The following C19orf12 variants were observed in gnomAD, a reference collection of about 807,000 sequenced individuals.
C19orf12 encodes chromosome 19 open reading frame 12.
C19orf12 carries 2 observed loss-of-function variants against 3.8 expected under a neutral mutation model. The observed-to-expected ratio is 0.53, with a 90% CI of 0.22 to 1.66. The LOEUF (loss-of-function observed/expected upper bound fraction) is 1.66. C19orf12 is among the 40% of genes most tolerant of loss of function. C19orf12 has a pLI of 0.20. For missense variants in C19orf12, 156 were observed against 188.8 expected, an observed-to-expected ratio of 0.83 and a Z score of 1.02; for synonymous variants, 89 against 84.6, an observed-to-expected ratio of 1.05 and a Z score of -0.28.
chr19:29,713,563 G>T (rs1324151263), intron 1 of C19orf12, among the ~76,000 whole-genome samples: 3 of 152,074 alleles, frequency 2.0e-5, no homozygotes, highest in Non-Finnish European at 4.4e-5. Context: ...ATTAGATCTG[G>T]CTCTTGTCAA....
intron 1 of C19orf12, among the ~76,000 whole-genome samples, chr19:29,713,237 G>T (rs953603681): frequency 1.3e-5 from 2 of 149,906 alleles, no homozygotes; most frequent in African/African-American, 2.4e-5. Flanking sequence ...CAGACCTTAG[G>T]GGGTGGGAGT....
intron 1 of C19orf12, among the ~76,000 whole-genome samples, chr19:29,711,894 C>A (rs1004560893): frequency 3.3e-5 from 5 of 152,154 alleles, no homozygotes; most frequent in African/African-American, 9.7e-5. Flanking sequence ...GCCAGGCCAG[C>A]ATCAATGTGA....
intron 1 of C19orf12, among the ~76,000 whole-genome samples, chr19:29,711,159 C>A (rs145673002): frequency 6.7e-5 from 10 of 150,184 alleles, no homozygotes; most frequent in Middle Eastern, 6.8e-3. Flanking sequence ...CCTGCCTCAA[C>A]CTCCCGAATA....
chr19:29,706,653 C>G (rs1288745638), intron 2 of C19orf12, among the ~76,000 whole-genome samples: 1 of 152,174 alleles, frequency 6.6e-6, no homozygotes, highest in Middle Eastern at 3.2e-3. Flanking sequence ...CCGGTTCCTT[C>G]CCGGATGGCA....
chr19:29,714,973 C>T lies in C19orf12; in HGVS notation c.-11+152G>A, dbSNP rs1304491724. 5.6e-6 allele frequency: 4 copies of T among 715,402 alleles called. No individual in the cohort carries two copies. In the Admixed American group the frequency reaches 6.0e-5, roughly 11 times the overall value. 44.3% of individuals were successfully genotyped at this position (715,402 alleles called of 1,614,324 possible). A position where few individuals can be genotyped will look rare whatever the true frequency, so the allele number is the denominator to read the frequency against. ...GGACAATGACTACACTAACAGTGTC[C>T]ACCCCGGCACCGGGAGGGCCGGGCT... On this transcript the variant is annotated intron_variant, in intron 1 of 2. Coordinates refer to ENST00000323670, the MANE Select transcript of C19orf12 (RefSeq NM_031448.6).
rs1333195365 is a variant in C19orf12, at chr19:29,705,362, G to T, written c.161-2385C>A. The T allele has an allele frequency of 7.3e-6, 3 of 413,464 alleles. No individual in the cohort carries two copies. The East Asian group carries it at 2.4e-4, about 33-fold the overall frequency. 25.6% of individuals were successfully genotyped at this position (413,464 alleles called of 1,614,324 possible). Reference sequence around the variant, plus strand: ...GCCAGAGGAGACTAAGAAAGCAGGCGATTCAATGCAATGCGGTGTCTTAGA... The same window carrying T: ...GCCAGAGGAGACTAAGAAAGCAGGCTATTCAATGCAATGCGGTGTCTTAGA... On this transcript the variant is annotated intron_variant, in intron 2 of 2. Coordinates refer to ENST00000323670, the MANE Select transcript of C19orf12 (RefSeq NM_031448.6).
chr19:29,698,918 A>C (rs1297629561), downstream of C19orf12: 6 of 407,190 alleles, frequency 1.5e-5, no homozygotes, highest in East Asian at 2.9e-4. Flanking sequence ...ACTTTGAGGA[A>C]TGAATCCCAA....
At chr19:29,709,077 A>G (rs376636214) in intron 1 of C19orf12, among the ~76,000 whole-genome samples, 2 of 152,290 alleles carry the variant, frequency 1.3e-5, no homozygotes, top group South Asian at 2.1e-4. Flanking sequence ...TAACACACAC[A>G]CTGGGCTGCC....
Position 29,706,342 on chromosome 19 carries a change from G to A in C19orf12, c.160+1912C>T, listed in dbSNP as rs114987442. Among the ~76,000 whole-genome samples, 701 of 152,250 alleles carry A rather than the reference G, an allele frequency of 4.6e-3. 4 individuals carry two copies. Among genetic ancestry groups the A allele is most frequent in the African/African-American group, 0.015 (642 of 41,556 alleles). On this transcript the variant is annotated intron_variant, in intron 2 of 2. Transcript: ENST00000323670. ...AATGCAAAAAGTCGCCAGGAATATCGACCAGCAAATTACTGGCTCTTTGGA... is the reference window on the plus strand; with the variant it reads ...AATGCAAAAAGTCGCCAGGAATATCAACCAGCAAATTACTGGCTCTTTGGA...
At chr19:29,705,954 G>C (rs1323538065) in intron 2 of C19orf12, among the ~76,000 whole-genome samples, 2 of 152,198 alleles carry the variant, frequency 1.3e-5, no homozygotes, top group African/African-American at 4.8e-5. Context: ...GAAATGAAAA[G>C]TTTCTTTCAA....
chr19:29,705,514 T>TC, intron 2 of C19orf12: 2 of 262,634 alleles, frequency 7.6e-6, no homozygotes, highest in South Asian at 7.7e-5. Flanking sequence ...TCTTAGGTTT[T>TC]TTTTTTTTTT....
chr19:29,700,523 C>T lies in C19orf12; in HGVS notation c.*2189G>A, dbSNP rs1365589487. On this transcript the variant is annotated 3_prime_UTR_variant, in exon 3 of 3. Transcript: ENST00000323670. ...AGGGTCCGTATGCAGGACTTATTTG[C>T]AGGAAGAGCAGGAATGATCAGTTCA... 3 of 454,094 alleles carry T rather than the reference C, an allele frequency of 6.6e-6. No homozygotes were observed. The highest frequency in any genetic ancestry group is 1.3e-5 in the Non-Finnish European group (3 of 226,784). The allele number at this position is 454,094 out of a possible 1,614,324, so 28.1% of individuals were successfully genotyped here.
At chr19:29,707,306 G>A (rs753179891) in intron 2 of C19orf12, among the ~76,000 whole-genome samples, 3 of 152,144 alleles carry the variant, frequency 2.0e-5, no homozygotes, top group South Asian at 4.1e-4. Flanking sequence ...GCGGTGAGCC[G>A]AGATCATGCC....
Position 29,702,291 on chromosome 19 carries a change from C to G in C19orf12, c.*421G>C. On this transcript the variant is annotated 3_prime_UTR_variant, in exon 3 of 3. Coordinates refer to ENST00000323670, the MANE Select transcript of C19orf12 (RefSeq NM_031448.6). ...GACCTGCAGGGGGGTGGGATCCAGT[C>G]CTGCAGCAGGTGCTCTGAAGAGGAG... The G allele has an allele frequency of 2.2e-6, 1 of 459,770 alleles. No individual in the cohort carries two copies. The highest frequency in any genetic ancestry group is 1.5e-5 in the South Asian group (1 of 64,520). The allele number at this position is 459,770 out of a possible 1,614,324, so 28.5% of individuals were successfully genotyped here.
intron 2 of C19orf12, among the ~76,000 whole-genome samples, chr19:29,703,636 C>T (rs925065587): frequency 2.6e-5 from 4 of 151,966 alleles, no homozygotes; most frequent in African/African-American, 4.8e-5. Flanking sequence ...ACCTCGGCCC[C>T]GCAAAGTGCT....
intron 1 of C19orf12, among the ~76,000 whole-genome samples, chr19:29,714,630 G>C (rs1972860534): frequency 6.6e-6 from 1 of 151,926 alleles, no homozygotes; most frequent in African/African-American, 2.4e-5. Flanking sequence ...CTGCCCCACA[G>C]GTGTCCTGTC....
intron 2 of C19orf12, among the ~76,000 whole-genome samples, chr19:29,703,622 G>A (rs916267036): frequency 9.2e-5 from 14 of 151,742 alleles, no homozygotes; most frequent in African/African-American, 2.7e-4. Context: ...CAGGTGATCC[G>A]CCTACCTCGG....
In C19orf12 at chr19:29,701,243, T is replaced by C. The variant is rs1421572284; in HGVS notation, c.*1469A>G. 2 of 454,130 alleles carry C rather than the reference T, an allele frequency of 4.4e-6. No individual in the cohort carries two copies. The highest frequency in any genetic ancestry group is 1.4e-4 in the East Asian group (2 of 14,402). 28.1% of individuals were successfully genotyped at this position (454,130 alleles called of 1,614,324 possible). On this transcript the variant is annotated 3_prime_UTR_variant, in exon 3 of 3. Coordinates refer to ENST00000323670, the MANE Select transcript of C19orf12 (RefSeq NM_031448.6). ...AAAGTGAAAACACACAGTACAGCTA[T>C]GCCTCAGTATCCATGGGGGATGGGT... is the stretch of plus-strand genomic sequence containing the variant.
rs755275025 is a variant in C19orf12 at position 29,702,560 on chromosome 19, C to A, written c.*152G>T. ...ATTTCTGGAACATGACACTGCACAGCGGTGGCCTCTCCAGCGGGACATTAC... is the reference window on the plus strand; with the variant it reads ...ATTTCTGGAACATGACACTGCACAGAGGTGGCCTCTCCAGCGGGACATTAC... On this transcript the variant is annotated 3_prime_UTR_variant, in exon 3 of 3. Transcript: ENST00000323670. The A allele has an allele frequency of 4.9e-6, 5 of 1,024,038 alleles. No homozygotes were observed. Among genetic ancestry groups the A allele is most frequent in the Non-Finnish European group, 7.6e-6 (5 of 657,494 alleles). The allele number at this position is 1,024,038 out of a possible 1,614,324, so 63.4% of individuals were successfully genotyped here.
Sources: allele counts gnomAD v4.1 joint callset (sites outside exome capture counted in the v4.1 genomes callset), GRCh38; gene constraint gnomAD v4.1.1; transcripts MANE v1.5; gene names NCBI Gene and HGNC (gene_info 2026-07-23, HGNC 2026-07-21).